The following ANXA11 variants were observed in gnomAD, a reference collection of about 807,000 sequenced individuals.
ANXA11 encodes the protein 56 kDa autoantigen.
ANXA11 carries 57 observed loss-of-function variants against 64.7 expected under a neutral mutation model. That is an observed-to-expected ratio of 0.88 (90% confidence interval 0.71 to 1.10). The LOEUF is 1.10. Ranked by LOEUF, ANXA11 falls within the 50% of genes least tolerant of loss-of-function variation. The pLI, the probability that ANXA11 is intolerant of heterozygous loss-of-function variation, is 0.00. For synonymous variants in ANXA11, 260 were observed against 265.2 expected (o/e 0.98, Z 0.19); for missense variants, 675 against 670.7 (o/e 1.01, Z -0.07).
intron 13 of ANXA11, among the ~76,000 whole-genome samples, chr10:80,158,643 T>C (rs180732468): frequency 3.7e-4 from 57 of 152,202 alleles, no homozygotes; most frequent in African/African-American, 1.3e-3. Flanking sequence ...ACATGGGCAA[T>C]GTAAGAGGCA....
In ANXA11 at chr10:80,171,035, CT is replaced by C. The variant is rs767473192; in HGVS notation, c.56-121del. On this transcript the variant is annotated intron_variant, in intron 3 of 15. Coordinates refer to ENST00000422982, the MANE Select transcript of ANXA11 (RefSeq NM_145868.2). ...CCCAGTAAAGCCTCGAGCCTCGAGC[CT>C]CGGGACACCACAGACCACATGAAAA... 16 of 1,525,180 alleles carry C rather than the reference CT, an allele frequency of 1.0e-5. No individual in the cohort carries two copies. The South Asian group carries it at 1.7e-4, about 16-fold the overall frequency. 94.5% of individuals were successfully genotyped at this position (1,525,180 alleles called of 1,614,324 possible).
intron 1 of ANXA11, among the ~76,000 whole-genome samples, chr10:80,198,601 G>A (rs1840274695): frequency 6.6e-6 from 1 of 152,210 alleles, no homozygotes; most frequent in African/African-American, 2.4e-5. Flanking sequence ...AAGCCTTCCA[G>A]ATTGTTCTTA....
At chr10:80,203,295 G>A (rs1458727735) in intron 1 of ANXA11, among the ~76,000 whole-genome samples, 1 of 152,020 alleles carries the variant, frequency 6.6e-6, no homozygotes. Context: ...CCCCAATCAC[G>A]TGAACTAGGC....
At chr10:80,186,448 T>C (rs1213885135) in intron 1 of ANXA11, among the ~76,000 whole-genome samples, 1 of 152,092 alleles carries the variant, frequency 6.6e-6, no homozygotes, top group African/African-American at 2.4e-5. Flanking sequence ...CGCTGTTTTC[T>C]TTCCATCCCC....
At position 80,180,618 on chromosome 10, in the gene ANXA11, T is replaced by G. The variant is rs189261447; in HGVS notation, c.-57-4463A>C. Among the ~76,000 whole-genome samples the G allele has an allele frequency of 1.6e-3, 237 of 151,400 alleles. 1 individual carries two copies. The highest frequency in any genetic ancestry group is 3.4e-3 in the Middle Eastern group (1 of 294). On this transcript the variant is annotated intron_variant, in intron 1 of 15. Coordinates refer to ENST00000422982, the MANE Select transcript of ANXA11 (RefSeq NM_145868.2). ...TTTCCACTGGCCTTCCCCAGTCTGG[T>G]GGCTGGAATATTGATTTGTATATTA...
chr10:80,201,626 A>C (rs1026537894), intron 1 of ANXA11, among the ~76,000 whole-genome samples: 10 of 152,124 alleles, frequency 6.6e-5, no homozygotes, highest in African/African-American at 2.4e-4. Flanking sequence ...TTTTAAGCAC[A>C]CCACGCAGGG....
chr10:80,163,408 G>A lies in ANXA11; in HGVS notation c.1030-3C>T. The A allele has an allele frequency of 1.2e-6, 2 of 1,614,076 alleles. No individual in the cohort carries two copies. The highest frequency in any genetic ancestry group is 1.3e-5 in the African/African-American group (1 of 75,040). ...TTTGTGCTTTCATCACGGTTTCCCT[G>A]AAAGGAAGCAGGTGTATGGTCATGC... On this transcript the variant is annotated splice_polypyrimidine_tract_variant and splice_region_variant and intron_variant, in intron 10 of 15. Transcript: ENST00000422982.
chr10:80,173,709 T>A (rs1177679437), intron 2 of ANXA11, among the ~76,000 whole-genome samples: 1 of 152,238 alleles, frequency 6.6e-6, no homozygotes, highest in African/African-American at 2.4e-5. Flanking sequence ...TAATAGCAGC[T>A]GCTGCTGCAG....
At chr10:80,199,334 T>C (rs1281947701) in intron 1 of ANXA11, among the ~76,000 whole-genome samples, 3 of 152,254 alleles carry the variant, frequency 2.0e-5, no homozygotes, top group Non-Finnish European at 1.5e-5. Flanking sequence ...CCTGACCTCG[T>C]GATCTGCCCG....
chr10:80,205,417 G>A lies in ANXA11; in HGVS notation c.-132C>T, dbSNP rs780546066. 4.4e-4 allele frequency: 58 copies of A among 131,080 alleles called. 1 individual carries two copies. Among genetic ancestry groups the A allele is most frequent in the Non-Finnish European group, 8.4e-4 (52 of 62,142 alleles). 8.1% of individuals were successfully genotyped at this position (131,080 alleles called of 1,614,324 possible). On this transcript the variant is annotated 5_prime_UTR_variant, in exon 1 of 16. Transcript: ENST00000422982. Reference sequence around the variant, plus strand: ...AGTGGCTCTCTCCGCGGGCGTCCCGGGCGCGGCGCCTGGGTTCTGCCTAGG... The same window carrying A: ...AGTGGCTCTCTCCGCGGGCGTCCCGAGCGCGGCGCCTGGGTTCTGCCTAGG...
chr10:80,151,891 G>C lies in ANXA11; in HGVS notation c.*3962C>G, dbSNP rs1049715398. 6.6e-6 allele frequency: 1 copy of C among 152,170 alleles called. No homozygotes were observed. The highest frequency in any genetic ancestry group is 2.4e-5 in the African/African-American group (1 of 41,438). 9.4% of individuals were successfully genotyped at this position (152,170 alleles called of 1,614,324 possible). A position where few individuals can be genotyped will look rare whatever the true frequency, so the allele number is the denominator to read the frequency against. On this transcript the variant is annotated 3_prime_UTR_variant, in exon 16 of 16. Coordinates refer to ENST00000422982, the MANE Select transcript of ANXA11 (RefSeq NM_145868.2). ...GCTCAAAATGCATGAGGGTCTGACCGCAGGAACTGCTCTTTAGCAAGCTCC... is the reference window on the plus strand; with the variant it reads ...GCTCAAAATGCATGAGGGTCTGACCCCAGGAACTGCTCTTTAGCAAGCTCC...
rs1158708475 is a variant in ANXA11, at chr10:80,152,886, G to T, written c.*2967C>A. Reference sequence around the variant, plus strand: ...GGGTCAATAGCTTCACTCTCTCTGGGTGCTAGTGCACACCACGTGGAGCCA... The same window carrying T: ...GGGTCAATAGCTTCACTCTCTCTGGTTGCTAGTGCACACCACGTGGAGCCA... On this transcript the variant is annotated 3_prime_UTR_variant, in exon 16 of 16. Transcript: ENST00000422982. 6.6e-6 allele frequency: 1 copy of T among 152,236 alleles called. No homozygotes were observed. 9.4% of individuals were successfully genotyped at this position (152,236 alleles called of 1,614,324 possible). A position where few individuals can be genotyped will look rare whatever the true frequency, so the allele number is the denominator to read the frequency against.
At position 80,169,027 on chromosome 10, in the gene ANXA11, G is replaced by C; in HGVS notation, c.503C>G (p.Pro168Arg). ...VPLPGQQQPV[P>R]SYPGYPGSGT... ...AGACCCCGGGTATCCTGGGTAGCTC[G>C]GCACTGGCTGCTGCTGCCCAGGGAG... is the stretch of plus-strand genomic sequence containing the variant. Residue 168 changes from proline (P) to arginine (R), a missense_variant, in exon 5 of 16, where the codon CCG becomes CGG. Coordinates refer to ENST00000422982, the MANE Select transcript of ANXA11 (RefSeq NM_145868.2). 1 of 1,545,562 alleles carries C rather than the reference G, an allele frequency of 6.5e-7. No individual in the cohort carries two copies. Among genetic ancestry groups the C allele is most frequent in the Non-Finnish European group, 8.7e-7 (1 of 1,151,860 alleles).
At chr10:80,187,325 T>C (rs1352647719) in intron 1 of ANXA11, among the ~76,000 whole-genome samples, 1 of 152,190 alleles carries the variant, frequency 6.6e-6, no homozygotes, top group Non-Finnish European at 1.5e-5. Flanking sequence ...CTTTCCACCA[T>C]GTGGGGACAC....
At chr10:80,204,252 T>C (rs1460861379) in intron 1 of ANXA11, among the ~76,000 whole-genome samples, 1 of 152,242 alleles carries the variant, frequency 6.6e-6, no homozygotes, top group Non-Finnish European at 1.5e-5. Context: ...GCCTCTCTTA[T>C]CAGGGAACAC....
At chr10:80,192,811 T>C (rs2132486081) in intron 1 of ANXA11, among the ~76,000 whole-genome samples, 1 of 152,338 alleles carries the variant, frequency 6.6e-6, no homozygotes, top group East Asian at 1.9e-4. Flanking sequence ...TAGAGATATT[T>C]GGAATGGATA....
chr10:80,192,994 T>C (rs1024880492), intron 1 of ANXA11, among the ~76,000 whole-genome samples: 2 of 152,142 alleles, frequency 1.3e-5, no homozygotes, highest in East Asian at 3.9e-4. Flanking sequence ...GATCTAGGAA[T>C]AGGAGAATCT....
chr10:80,180,150 G>A (rs61860039), intron 1 of ANXA11, among the ~76,000 whole-genome samples: 10,971 of 152,298 alleles, frequency 0.072, 585 homozygotes, highest in South Asian at 0.2. Context: ...CCCTAACACA[G>A]GAATCTAGAA....
intron 1 of ANXA11, among the ~76,000 whole-genome samples, chr10:80,189,841 G>A (rs33998336): frequency 0.041 from 6,315 of 152,314 alleles, 170 homozygotes; most frequent in Non-Finnish European, 0.066. Flanking sequence ...CTCATTCACA[G>A]TAGTCAAAAG....
Sources: gnomAD v4.1 joint callset for allele counts (sites outside exome capture counted in the v4.1 genomes callset) on GRCh38, gnomAD v4.1.1 for gene constraint, MANE v1.5 for transcripts, NCBI Gene and HGNC (gene_info 2026-07-23, HGNC 2026-07-21) for gene names.